ZNF225: variants seen among roughly 807,000 people sequenced by gnomAD.
ZNF225 encodes zinc finger protein 225.
Under a neutral mutation model 12.0 loss-of-function variants are expected in ZNF225, and 6 were observed. The observed-to-expected ratio is 0.50, with a 90% confidence interval of 0.27 to 0.98. ZNF225 has a LOEUF of 0.98. Ranked by LOEUF, ZNF225 falls within the 50% of genes least tolerant of loss-of-function variation. The probability of loss-of-function intolerance (pLI) is 0.11; values close to 1 mark genes in which losing one functional copy is unlikely to be tolerated. For synonymous variants in ZNF225, 271 were observed against 283.2 expected (o/e 0.96, Z 0.43); for missense variants, 763 against 848.2 (o/e 0.90, Z 1.25).
intron 4 of ZNF225, among the ~76,000 whole-genome samples, chr19:44,119,248 G>A (rs1196233001): frequency 3.3e-5 from 5 of 152,094 alleles, no homozygotes; most frequent in South Asian, 4.2e-4. Flanking sequence ...TTCCAGCCAC[G>A]TTGTCCTCCC....
At position 44,119,325 on chromosome 19, in the gene ZNF225, G is replaced by A. The variant is rs1366439645; in HGVS notation, c.235+751G>A. ...GTAGTAACCAATGACCACACATTTA[G>A]TCGACTAAACAACAAAAATTTATCA... is the stretch of plus-strand genomic sequence containing the variant. On this transcript the variant is annotated intron_variant, in intron 4 of 4. Coordinates refer to ENST00000262894, the MANE Select transcript of ZNF225 (RefSeq NM_013362.4). Among the ~76,000 whole-genome samples, 4 of 152,146 alleles carry A rather than the reference G, an allele frequency of 2.6e-5. No homozygotes were observed. The East Asian group carries it at 7.7e-4, about 29-fold the overall frequency.
At chr19:44,114,646 G>T (rs1193084155) in intron 1 of ZNF225, among the ~76,000 whole-genome samples, 1 of 152,122 alleles carries the variant, frequency 6.6e-6, no homozygotes, top group Admixed American at 6.5e-5. Context: ...AAGTAGCTGG[G>T]ATTACAGGTG....
At chr19:44,121,651 A>G (rs534450429) in intron 4 of ZNF225, among the ~76,000 whole-genome samples, 64 of 152,324 alleles carry the variant, frequency 4.2e-4, no homozygotes, top group Admixed American at 3.3e-3. Context: ...ATCCATGCCA[A>G]CATCTACTGT....
In ZNF225 at chr19:44,132,369, T is replaced by A; in HGVS notation, c.1755T>A (p.Asn585Lys). 2 of 1,613,908 alleles carry A rather than the reference T, an allele frequency of 1.2e-6. No homozygotes were observed. The highest frequency in any genetic ancestry group is 8.5e-7 in the Non-Finnish European group (1 of 1,179,954). The change falls in exon 5 of 5, where the codon AAT (asparagine) becomes AAA (lysine). Residue 585 changes from asparagine (N) to lysine (K), a missense_variant. Coordinates refer to ENST00000262894, the MANE Select transcript of ZNF225 (RefSeq NM_013362.4). Reference sequence around the variant, plus strand: ...TTAGCCGGGCCTCAAGTATTTTGAATCATAAGAGACTCCATGGTGATGAAA... The same window carrying A: ...TTAGCCGGGCCTCAAGTATTTTGAAACATAAGAGACTCCATGGTGATGAAA... ...KSFSRASSIL[N>K]HKRLHGDEKP... is the part of the protein sequence containing the mutation.
chr19:44,128,718 G>A (rs568307154), intron 4 of ZNF225: 1 of 252,748 alleles, frequency 4.0e-6, no homozygotes, highest in Non-Finnish European at 7.4e-6. Context: ...ACCTTTAGTA[G>A]GCATTTCATA....
At chr19:44,113,996 T>C in intron 1 of ZNF225, 1 of 297,688 alleles carries the variant, frequency 3.4e-6, no homozygotes, top group Non-Finnish European at 6.2e-6. Flanking sequence ...CCCTTCTCCC[T>C]GATTCCTGCA....
intron 4 of ZNF225, among the ~76,000 whole-genome samples, chr19:44,126,135 G>C (rs1968142251): frequency 6.6e-6 from 1 of 152,156 alleles, no homozygotes; most frequent in South Asian, 2.1e-4. Flanking sequence ...TATTACCAGA[G>C]TTGGTTTTCT....
chr19:44,126,408 A>C (rs918399425), intron 4 of ZNF225, among the ~76,000 whole-genome samples: 1 of 152,142 alleles, frequency 6.6e-6, no homozygotes, highest in African/African-American at 2.4e-5. Context: ...TGGGTCTCTC[A>C]ACCATAGATA....
Position 44,134,559 on chromosome 19 carries a change from G to T in ZNF225, c.*1824G>T, listed in dbSNP as rs1968353734. On this transcript the variant is annotated 3_prime_UTR_variant, in exon 5 of 5. Transcript: ENST00000262894. ...TCTTCTTTTTGTTTTGTGTGTTTTG[G>T]TTTTTAACTGTCACCGATACCAGAA... 1 of 152,118 alleles carries T rather than the reference G, an allele frequency of 6.6e-6. No individual in the cohort carries two copies. The highest frequency in any genetic ancestry group is 2.1e-4 in the South Asian group (1 of 4,818). The allele number at this position is 152,118 out of a possible 1,614,324, so 9.4% of individuals were successfully genotyped here. A position where few individuals can be genotyped will look rare whatever the true frequency, so the allele number is the denominator to read the frequency against.
Position 44,118,620 on chromosome 19 carries a change from G to T in ZNF225, c.235+46G>T, listed in dbSNP as rs73564015. The stretch of plus-strand genomic sequence containing the variant: ...TGTCCTTGTGCGTGACTCTCCCATC[G>T]GTTTCACTTCTGTCCATTGCCCAGC... On this transcript the variant is annotated intron_variant, in intron 4 of 4. Transcript: ENST00000262894. The T allele has an allele frequency of 0.016, 25,870 of 1,568,676 alleles. 3,184 individuals carry two copies. The African/African-American group carries it at 0.28, about 17-fold the overall frequency.
At chr19:44,123,958 A>G (rs1312185826) in intron 4 of ZNF225, among the ~76,000 whole-genome samples, 2 of 151,074 alleles carry the variant, frequency 1.3e-5, no homozygotes, top group Non-Finnish European at 2.9e-5. Context: ...TGTTTCATTT[A>G]TCTTTTGTAT....
rs1967978299 is a variant in ZNF225 at position 44,118,154 on chromosome 19, A to C, written c.16-34A>C. 3.1e-6 allele frequency: 5 copies of C among 1,594,764 alleles called. No individual in the cohort carries two copies. In the East Asian group the frequency reaches 1.1e-4, roughly 36 times the overall value. ...ACCCCTCTCTCAGTAGTCATTGGTC[A>C]TGAGACTGAGGTTGCATATGTTCGA... On this transcript the variant is annotated intron_variant, in intron 2 of 4. Coordinates refer to ENST00000262894, the MANE Select transcript of ZNF225 (RefSeq NM_013362.4).
chr19:44,132,530 A>T lies in ZNF225; in HGVS notation c.1916A>T (p.His639Leu). The T allele has an allele frequency of 6.2e-7, 1 of 1,614,014 alleles. No individual in the cohort carries two copies. Among genetic ancestry groups the T allele is most frequent in the East Asian group, 2.2e-5 (1 of 44,852 alleles). Residue 639 changes from histidine (H) to leucine (L), a missense_variant, in exon 5 of 5, where the codon CAT (histidine) becomes CTT (leucine). By Grantham distance (99) the His-to-Leu change is moderately conservative. Transcript: ENST00000262894. The part of the protein sequence containing the change: ...CGKSFRWAST[H>L]LTHQRLHSRE... ...AAGAGCTTCAGATGGGCCTCAACTC[A>T]TCTAACCCATCAGAGACTCCACAGT...
In ZNF225 at chr19:44,133,996, A is replaced by G. The variant is rs543149066; in HGVS notation, c.*1261A>G. 3 of 151,970 alleles carry G rather than the reference A, an allele frequency of 2.0e-5. No individual in the cohort carries two copies. Among genetic ancestry groups the G allele is most frequent in the Non-Finnish European group, 4.4e-5 (3 of 67,992 alleles). 9.4% of individuals were successfully genotyped at this position (151,970 alleles called of 1,614,324 possible). On this transcript the variant is annotated 3_prime_UTR_variant, in exon 5 of 5. Transcript: ENST00000262894. ...CTTTATGAAGATCCATGCTGTCTCA[A>G]TTTGCATAGTGGGTTGGAGGTCCCT...
At chr19:44,115,442 T>C (rs1413857548) in intron 1 of ZNF225, 1 of 166,340 alleles carries the variant, frequency 6.0e-6, no homozygotes, top group East Asian at 1.7e-4. Context: ...AGATATAGGA[T>C]CATGCAATAT....
intron 4 of ZNF225, among the ~76,000 whole-genome samples, chr19:44,119,791 C>T (rs1312316140): frequency 1.3e-5 from 2 of 152,212 alleles, no homozygotes; most frequent in African/African-American, 2.4e-5. Flanking sequence ...ACTGAAGCTT[C>T]TGCCTCAGAG....
intron 4 of ZNF225, among the ~76,000 whole-genome samples, chr19:44,121,064 T>A (rs79391700): frequency 6.6e-6 from 1 of 152,018 alleles, no homozygotes; most frequent in Non-Finnish European, 1.5e-5. Context: ...GCCCTGCTAA[T>A]TTTTTTTATA....
At chr19:44,126,469 G>T (rs1599678598) in intron 4 of ZNF225, among the ~76,000 whole-genome samples, 1 of 152,162 alleles carries the variant, frequency 6.6e-6, no homozygotes. Flanking sequence ...GACTCCGTGA[G>T]GTTTCTTAGC....
Position 44,132,836 on chromosome 19 carries a change from T to C in ZNF225, c.*101T>C. 2.9e-6 allele frequency: 3 copies of C among 1,048,902 alleles called. No individual in the cohort carries two copies. The highest frequency in any genetic ancestry group is 4.0e-6 in the Non-Finnish European group (3 of 745,620). 65.0% of individuals were successfully genotyped at this position (1,048,902 alleles called of 1,614,324 possible). ...TTAACATACCTATCACCTCAAACAT[T>C]TATCATTTATTTATGTTGGGAACCC... On this transcript the variant is annotated 3_prime_UTR_variant, in exon 5 of 5. Transcript: ENST00000262894.
Sources: allele counts gnomAD v4.1 joint callset (sites outside exome capture counted in the v4.1 genomes callset), GRCh38; gene constraint gnomAD v4.1.1; transcripts MANE v1.5; gene names NCBI Gene and HGNC (gene_info 2026-07-23, HGNC 2026-07-21).